IQSEC1: variants seen among roughly 807,000 people sequenced by gnomAD.
IQSEC1 encodes the protein IQ motif and Sec7 domain ArfGEF 1, also known as IQ motif and SEC7 domain-containing protein 1.
A neutral mutation model predicts 91.0 loss-of-function variants in IQSEC1; 31 were observed. The observed-to-expected ratio is 0.34, with a 90% CI of 0.26 to 0.46. The LOEUF is 0.46. IQSEC1 is among the 20% of genes least tolerant of loss of function. The pLI is 1.00. For synonymous variants in IQSEC1, 699 were observed against 662.6 expected, an observed-to-expected ratio of 1.05 and a Z score of -0.84; for missense variants, 1,388 against 1,575.6, an observed-to-expected ratio of 0.88 and a Z score of 2.02.
At chr3:13,048,281 T>A (rs1019060474) in intron 1 of IQSEC1, among the ~76,000 whole-genome samples, 1 of 152,208 alleles carries the variant, frequency 6.6e-6, no homozygotes, top group Admixed American at 6.5e-5. Flanking sequence ...CACCTCACAT[T>A]CTGTGTCTTC....
intron 2 of IQSEC1, among the ~76,000 whole-genome samples, chr3:13,123,475 A>C (rs1347354676): frequency 6.6e-6 from 1 of 152,210 alleles, no homozygotes; most frequent in Non-Finnish European, 1.5e-5. Context: ...GGGAGGTCTT[A>C]CATGTGTATG....
rs1694495717 is a variant in IQSEC1 at position 13,214,046 on chromosome 3, T to C, written c.273-49913A>G. On this transcript the variant is annotated intron_variant, in intron 1 of 15. Coordinates refer to the IQSEC1 transcript ENST00000648114. The surrounding 1 kb of genome is among the most constrained non-coding windows in gnomAD (Gnocchi z 4.5). Reference sequence around the variant, plus strand: ...CTCCCCGCCACCCGGCTCCTTCCTCTGATAGGCCTGTCCCCTGTGTCCCTG... The same window carrying C: ...CTCCCCGCCACCCGGCTCCTTCCTCCGATAGGCCTGTCCCCTGTGTCCCTG... 6.6e-6 allele frequency among the ~76,000 whole-genome samples: 1 copy of C among 152,176 alleles called. No homozygotes were observed.
At chr3:13,180,513 T>A (rs1232487629) in intron 1 of IQSEC1, among the ~76,000 whole-genome samples, 1 of 151,962 alleles carries the variant, frequency 6.6e-6, no homozygotes, top group African/African-American at 2.4e-5. Context: ...AGGATGTGGG[T>A]GGGGCCAGAT....
At chr3:13,265,261 A>G (rs1230182635) in intron 1 of IQSEC1, among the ~76,000 whole-genome samples, 3 of 152,108 alleles carry the variant, frequency 2.0e-5, no homozygotes, top group African/African-American at 7.2e-5. Flanking sequence ...GACACCCAGC[A>G]TCCCCTAGGA....
intron 2 of IQSEC1, among the ~76,000 whole-genome samples, chr3:13,150,321 A>C (rs1001272941): frequency 1.3e-5 from 2 of 152,234 alleles, no homozygotes; most frequent in Non-Finnish European, 2.9e-5. Context: ...GTGAGCGTTC[A>C]GGCTGAGGCT....
chr3:13,146,727 C>T (rs185469159), intron 2 of IQSEC1, among the ~76,000 whole-genome samples: 2 of 152,318 alleles, frequency 1.3e-5, no homozygotes, highest in African/African-American at 4.8e-5. Context: ...GTAATCTCAG[C>T]TACTCGAGAG....
chr3:13,231,535 C>T (rs1213030589), intron 1 of IQSEC1, among the ~76,000 whole-genome samples: 1 of 129,040 alleles, frequency 7.7e-6, no homozygotes, highest in Non-Finnish European at 1.7e-5. Context: ...GCTCCACCTG[C>T]ATGACCTCAC....
At chr3:13,183,331 C>T (rs754313804) in intron 1 of IQSEC1, among the ~76,000 whole-genome samples, 4 of 152,006 alleles carry the variant, frequency 2.6e-5, no homozygotes, top group Middle Eastern at 3.2e-3. Flanking sequence ...TGCTGGTAAT[C>T]CCAGCACTTT....
At position 13,026,864 on chromosome 3, in the gene IQSEC1, G is replaced by GCTTTTTTTTTTTTTTTTTTTTTTTTTT. The variant is rs370534423; in HGVS notation, c.23+46127_23+46128insAAAAAAAAAAAAAAAAAAAAAAAAAAG. Among the ~76,000 whole-genome samples the GCTTTTTTTTTTTTTTTTTTTTTTTTTT allele has an allele frequency of 3.3e-5, 3 of 90,864 alleles. 1 individual carries two copies. Among genetic ancestry groups the GCTTTTTTTTTTTTTTTTTTTTTTTTTT allele is most frequent in the African/African-American group, 3.4e-5 (1 of 29,786 alleles). The allele number at this position is 90,864 out of a possible 152,430, so 59.6% of individuals were successfully genotyped here. ...TGAAGTAGCAGTTATTATCTCCCCAGTTTTTTTTTTTTTTGTTTGTTTTTT... is the reference window on the plus strand; with the variant it reads ...TGAAGTAGCAGTTATTATCTCCCCAGCTTTTTTTTTTTTTTTTTTTTTTTTTTTTTTTTTTTTTTTTGTTTGTTTTTT... On this transcript the variant is annotated intron_variant, in intron 1 of 13. Transcript: ENST00000613206.
intron 1 of IQSEC1, among the ~76,000 whole-genome samples, chr3:13,055,129 C>A (rs1006254908): frequency 6.6e-6 from 1 of 152,232 alleles, no homozygotes; most frequent in Non-Finnish European, 1.5e-5. Context: ...GGGCACAGTG[C>A]GGCGATTGTC....
At chr3:13,198,042 G>T (rs1694168048) in intron 1 of IQSEC1, among the ~76,000 whole-genome samples, 1 of 152,180 alleles carries the variant, frequency 6.6e-6, no homozygotes, top group Non-Finnish European at 1.5e-5. Flanking sequence ...TAGACTCTGT[G>T]GGCACGCAGG....
chr3:13,049,383 G>A (rs1428533956), intron 1 of IQSEC1, among the ~76,000 whole-genome samples: 2 of 152,164 alleles, frequency 1.3e-5, no homozygotes, highest in African/African-American at 2.4e-5. Flanking sequence ...TCTCACTCTG[G>A]CCACATCATG....
At chr3:13,083,391 A>T (rs1705681414) in intron 2 of IQSEC1, among the ~76,000 whole-genome samples, 1 of 152,174 alleles carries the variant, frequency 6.6e-6, no homozygotes, top group African/African-American at 2.4e-5. Context: ...AGTCAAGAAG[A>T]CGGGGCTTCA....
intron 6 of IQSEC1, 84 bp from the exon 7 acceptor site, chr3:12,915,817 A>C (rs878901585): frequency 4.5e-5 from 68 of 1,505,388 alleles, no homozygotes; most frequent in Non-Finnish European, 1.2e-5. Flanking sequence ...AGAGGAGCGA[A>C]CCTTCCACTA....
At chr3:13,071,817 A>G (rs112526434) in intron 1 of IQSEC1, among the ~76,000 whole-genome samples, 68 of 51,142 alleles carry the variant, frequency 1.3e-3, no homozygotes, top group South Asian at 3.5e-3. Context: ...GCCATCCCCC[A>G]AACCAGAGGC....
At chr3:13,144,783 T>C (rs900762381) in intron 2 of IQSEC1, among the ~76,000 whole-genome samples, 6 of 152,194 alleles carry the variant, frequency 3.9e-5, no homozygotes, top group Admixed American at 2.0e-4. Flanking sequence ...CCAGGACTGA[T>C]AGCCCAGGAG....
intron 2 of IQSEC1, among the ~76,000 whole-genome samples, chr3:13,134,205 CG>C (rs1197222006): frequency 6.6e-6 from 1 of 152,206 alleles, no homozygotes; most frequent in Non-Finnish European, 1.5e-5. Flanking sequence ...AGTTGCCCCT[CG>C]TCAGGGCTGG....
At chr3:12,990,116 G>A (rs747989402) in intron 1 of IQSEC1, among the ~76,000 whole-genome samples, 4 of 152,172 alleles carry the variant, frequency 2.6e-5, no homozygotes, top group Non-Finnish European at 4.4e-5. Flanking sequence ...ATTAAAACAC[G>A]TTGGCACTTT....
Position 13,024,351 on chromosome 3 carries a change from G to A in IQSEC1, c.23+48641C>T, listed in dbSNP as rs978843906. Among the ~76,000 whole-genome samples the A allele has an allele frequency of 7.7e-5, 11 of 142,044 alleles. 1 individual carries two copies. The highest frequency in any genetic ancestry group is 4.6e-4 in the South Asian group (2 of 4,328). The allele number at this position is 142,044 out of a possible 152,430, so 93.2% of individuals were successfully genotyped here. ...CATCCATCCATCTGTTCCCTCACCC[G>A]CACATACACCCATCCATCACTCCAT... is the stretch of plus-strand genomic sequence containing the variant. On this transcript the variant is annotated intron_variant, in intron 1 of 13. Transcript: ENST00000613206.
Sources: gnomAD v4.1 joint callset for allele counts (sites outside exome capture counted in the v4.1 genomes callset) on GRCh38, gnomAD v4.1.1 for gene constraint, Gnocchi (gnomAD v3.1) non-coding constraint, MANE v1.5 for transcripts, NCBI Gene and HGNC (gene_info 2026-07-23, HGNC 2026-07-21) for gene names.